The following EYA1 variants were observed in gnomAD, a reference collection of about 807,000 sequenced individuals.
EYA1 encodes protein phosphatase EYA1.
EYA1 carries 16 observed loss-of-function variants against 82.0 expected under a neutral mutation model. The observed-to-expected ratio is 0.20, with a 90% CI of 0.13 to 0.30. The LOEUF is 0.30. Ranked by LOEUF, EYA1 falls within the 10% of genes least tolerant of loss-of-function variation. EYA1 has a pLI of 1.00. For missense variants in EYA1, 633 were observed against 730.7 expected (o/e 0.87, Z 1.54); for synonymous variants, 261 against 264.4 (o/e 0.99, Z 0.12).
At chr8:71,424,589 G>T (rs539784699) in intron 2 of EYA1, among the ~76,000 whole-genome samples, 1 of 152,196 alleles carries the variant, frequency 6.6e-6, no homozygotes, top group Non-Finnish European at 1.5e-5. Flanking sequence ...TTCTGACTGG[G>T]AACAGTAATT....
intron 2 of EYA1, among the ~76,000 whole-genome samples, chr8:71,401,318 G>A (rs985672653): frequency 2.0e-5 from 3 of 152,102 alleles, no homozygotes; most frequent in Non-Finnish European, 4.4e-5. Flanking sequence ...GACACAGCAA[G>A]AGTTTCTCTA....
At chr8:71,525,790 C>T (rs1436131191) in intron 2 of EYA1, among the ~76,000 whole-genome samples, 1 of 152,130 alleles carries the variant, frequency 6.6e-6, no homozygotes, top group Non-Finnish European at 1.5e-5. Flanking sequence ...TGCTTGATTC[C>T]CTGGAGACAA....
At chr8:71,368,044 A>G (rs1197850062) in intron 2 of EYA1, among the ~76,000 whole-genome samples, 1 of 152,164 alleles carries the variant, frequency 6.6e-6, no homozygotes, top group Non-Finnish European at 1.5e-5. Flanking sequence ...TGTTCTTTCA[A>G]AAGATATAAA....
chr8:71,397,523 G>T (rs1251667334), intron 2 of EYA1, among the ~76,000 whole-genome samples: 1 of 152,100 alleles, frequency 6.6e-6, no homozygotes, highest in Non-Finnish European at 1.5e-5. Flanking sequence ...GTCTGTAAAA[G>T]ATTTTATTTC....
intron 2 of EYA1, among the ~76,000 whole-genome samples, chr8:71,496,282 C>T (rs896309844): frequency 1.3e-5 from 2 of 152,168 alleles, no homozygotes; most frequent in Non-Finnish European, 2.9e-5. Context: ...GCCTGTACAG[C>T]TAAGCTAACA....
At chr8:71,516,495 C>T (rs1048972783) in intron 2 of EYA1, among the ~76,000 whole-genome samples, 3 of 152,040 alleles carry the variant, frequency 2.0e-5, no homozygotes, top group Non-Finnish European at 4.4e-5. Flanking sequence ...ATATATGCAG[C>T]CAAAGAGGAA....
chr8:71,260,929 G>T (rs919606327), intron 11 of EYA1, among the ~76,000 whole-genome samples: 1 of 152,132 alleles, frequency 6.6e-6, no homozygotes, highest in Admixed American at 6.5e-5. Context: ...TACTTAGAAT[G>T]CTAATATTAC....
chr8:71,296,050 G>T (rs2128995145), intron 9 of EYA1, among the ~76,000 whole-genome samples: 1 of 152,232 alleles, frequency 6.6e-6, no homozygotes, highest in East Asian at 1.9e-4. Flanking sequence ...TAATGTATCT[G>T]CAGATTATGT....
chr8:71,225,676 G>A (rs1810474092), intron 12 of EYA1, among the ~76,000 whole-genome samples: 1 of 151,950 alleles, frequency 6.6e-6, no homozygotes, highest in South Asian at 2.1e-4. Flanking sequence ...GTTATGGTAG[G>A]AATAGGATGA....
chr8:71,413,406 C>T (rs1296875835), intron 2 of EYA1, among the ~76,000 whole-genome samples: 1 of 152,192 alleles, frequency 6.6e-6, no homozygotes, highest in Non-Finnish European at 1.5e-5. Flanking sequence ...TCTCATTTTA[C>T]TTTATACCAA....
At chr8:71,510,964 T>C (rs1390421754) in intron 2 of EYA1, among the ~76,000 whole-genome samples, 1 of 152,202 alleles carries the variant, frequency 6.6e-6, no homozygotes, top group Non-Finnish European at 1.5e-5. Context: ...CTTTTCTCCT[T>C]CATATCCTCT....
chr8:71,284,229 C>G (rs915376159), intron 9 of EYA1, among the ~76,000 whole-genome samples: 3 of 152,200 alleles, frequency 2.0e-5, no homozygotes, highest in Non-Finnish European at 4.4e-5. Context: ...AGCTTGGCTG[C>G]TTGGGTGATG....
At chr8:71,337,577 G>C (rs1824644577) in intron 3 of EYA1, among the ~76,000 whole-genome samples, 1 of 152,096 alleles carries the variant, frequency 6.6e-6, no homozygotes, top group Non-Finnish European at 1.5e-5. Context: ...AGAGAATCCA[G>C]TTACCTACTA....
intron 1 of EYA1, among the ~76,000 whole-genome samples, chr8:71,540,990 C>G (rs974180404): frequency 6.6e-6 from 1 of 152,122 alleles, no homozygotes; most frequent in African/African-American, 2.4e-5. Flanking sequence ...GTGAAATGAA[C>G]CGTTGGATAA....
At chr8:71,346,767 T>C (rs768567666) in intron 3 of EYA1, among the ~76,000 whole-genome samples, 24 of 152,152 alleles carry the variant, frequency 1.6e-4, no homozygotes, top group Non-Finnish European at 3.4e-4. Context: ...AGCAACTATA[T>C]GAACTGTCTG....
At chr8:71,314,336 T>A (rs1353866821) in intron 7 of EYA1, among the ~76,000 whole-genome samples, 1 of 152,116 alleles carries the variant, frequency 6.6e-6, no homozygotes, top group East Asian at 1.9e-4. Context: ...TTAATCACAA[T>A]TAAGTACCCA....
chr8:71,405,880 T>A (rs1238030892), intron 2 of EYA1, among the ~76,000 whole-genome samples: 1 of 152,222 alleles, frequency 6.6e-6, no homozygotes, highest in East Asian at 1.9e-4. Flanking sequence ...ACTATCTTCC[T>A]TTTCTCAATT....
intron 2 of EYA1, among the ~76,000 whole-genome samples, chr8:71,424,999 G>A (rs189313704): frequency 1.4e-3 from 213 of 148,810 alleles, no homozygotes; most frequent in African/African-American, 4.8e-3. Flanking sequence ...GGTGGCTCAC[G>A]CCTGTAATCC....
intron 1 of EYA1, among the ~76,000 whole-genome samples, chr8:71,546,562 G>A (rs533925459): frequency 2.7e-5 from 4 of 149,658 alleles, no homozygotes; most frequent in Admixed American, 6.7e-5. Context: ...CTGCAGTGGC[G>A]CAATCTCGGC....
Sources: gnomAD v4.1 joint callset for allele counts (sites outside exome capture counted in the v4.1 genomes callset) on GRCh38, gnomAD v4.1.1 for gene constraint, MANE v1.5 for transcripts, NCBI Gene and HGNC (gene_info 2026-07-23, HGNC 2026-07-21) for gene names.